SHANK2: variants seen among roughly 807,000 people sequenced by gnomAD.
SHANK2 encodes SH3 and multiple ankyrin repeat domains 2.
In SHANK2, 43 loss-of-function variants were observed where a neutral mutation model predicts 133.7. That is an observed-to-expected ratio of 0.32 (90% CI 0.25 to 0.41). SHANK2 has a LOEUF of 0.41. Ranked by LOEUF, SHANK2 falls within the 10% of genes least tolerant of loss-of-function variation. The pLI, the probability that SHANK2 is intolerant of heterozygous loss-of-function variation, is 1.00. For missense variants in SHANK2, 1,994 were observed against 2,235.8 expected (o/e 0.89, Z 2.18); for synonymous variants, 1,017 against 952.8 (o/e 1.07, Z -1.24).
chr11:70,862,235 G>A (rs1949270830), intron 11 of SHANK2, among the ~76,000 whole-genome samples: 1 of 152,224 alleles, frequency 6.6e-6, no homozygotes, highest in Admixed American at 6.5e-5. Context: ...GATTCCTGCT[G>A]CAAACCTGCT....
intron 2 of SHANK2, among the ~76,000 whole-genome samples, chr11:71,196,888 C>T (rs1953915364): frequency 6.6e-6 from 1 of 151,112 alleles, no homozygotes; most frequent in Non-Finnish European, 1.5e-5. Context: ...ATCCCAGCTA[C>T]TCAGGAGGCT....
intron 2 of SHANK2, among the ~76,000 whole-genome samples, chr11:71,167,948 C>T (rs1194439121): frequency 1.4e-5 from 2 of 145,630 alleles, no homozygotes; most frequent in Admixed American, 6.7e-5. Flanking sequence ...CCCTGCCGGA[C>T]GAGGTGGCTG....
intron 9 of SHANK2, among the ~76,000 whole-genome samples, chr11:71,060,910 C>T (rs1182546328): frequency 3.3e-5 from 5 of 152,230 alleles, no homozygotes; most frequent in African/African-American, 4.8e-5. Context: ...CCAGTTTTTA[C>T]GCTGAGATTT....
chr11:70,654,861 G>A (rs899750076), intron 17 of SHANK2, among the ~76,000 whole-genome samples: 5 of 150,942 alleles, frequency 3.3e-5, no homozygotes, highest in African/African-American at 1.2e-4. Flanking sequence ...TCCGCCTCCC[G>A]GGTTCAAGCG....
intron 11 of SHANK2, among the ~76,000 whole-genome samples, chr11:70,845,150 G>A (rs1312530052): frequency 7.5e-6 from 1 of 132,732 alleles, no homozygotes; most frequent in African/African-American, 2.8e-5. Context: ...AGTGAGCCAT[G>A]ATCGTGCCAC....
chr11:70,606,411 T>C (rs188951309), intron 17 of SHANK2, among the ~76,000 whole-genome samples: 279 of 140,980 alleles, frequency 2.0e-3, no homozygotes, highest in African/African-American at 6.9e-3. Flanking sequence ...ATTAGCAGGG[T>C]GTGGTGGCAC....
intron 14 of SHANK2, among the ~76,000 whole-genome samples, chr11:70,743,133 G>A (rs898169077): frequency 1.3e-5 from 2 of 152,248 alleles, no homozygotes; most frequent in Non-Finnish European, 2.9e-5. Context: ...GCACAGGGCG[G>A]GGGCTGGAGG....
chr11:71,115,923 C>T (rs1555100258), intron 4 of SHANK2, among the ~76,000 whole-genome samples: 1 of 152,178 alleles, frequency 6.6e-6, no homozygotes, highest in Non-Finnish European at 1.5e-5. Flanking sequence ...TTAGTTGGCC[C>T]TCAATGACAA....
chr11:71,251,502 C>T (rs1948178570), intron 1 of SHANK2, among the ~76,000 whole-genome samples: 1 of 151,398 alleles, frequency 6.6e-6, no homozygotes, highest in African/African-American at 2.4e-5. Context: ...CGCCCGGGGC[C>T]GGGGCCACCC....
chr11:71,090,704 G>T (rs1315061797), intron 8 of SHANK2, among the ~76,000 whole-genome samples: 1 of 151,370 alleles, frequency 6.6e-6, no homozygotes, highest in Non-Finnish European at 1.5e-5. Flanking sequence ...GTATATGCAC[G>T]CAGAGAATTT....
chr11:70,643,024 G>T (rs1393285192), intron 17 of SHANK2, among the ~76,000 whole-genome samples: 2 of 152,158 alleles, frequency 1.3e-5, no homozygotes, highest in African/African-American at 2.4e-5. Flanking sequence ...GACATCGTGT[G>T]CATGTATCAA....
Position 70,809,261 on chromosome 11 carries a change from TC to T in SHANK2, c.1494-2091del, listed in dbSNP as rs35613184. ...GAAGCGAGTGGTCTCTGACCATGGT[TC>T]CCCTCCCAAACTTTAGGTGCTGTGG... On this transcript the variant is annotated intron_variant, in intron 12 of 25. Coordinates refer to ENST00000601538, the MANE Select transcript of SHANK2 (RefSeq NM_012309.5). 1.3e-3 allele frequency among the ~76,000 whole-genome samples: 194 copies of T among 152,240 alleles called. 1 individual carries two copies. The highest frequency in any genetic ancestry group is 4.3e-3 in the African/African-American group (179 of 41,554).
intron 2 of SHANK2, among the ~76,000 whole-genome samples, chr11:71,215,194 C>G (rs1555119573): frequency 6.6e-6 from 1 of 152,226 alleles, no homozygotes; most frequent in Admixed American, 6.5e-5. Context: ...GAACCACAGG[C>G]CCCAGCTCTC....
intron 12 of SHANK2, among the ~76,000 whole-genome samples, chr11:70,813,451 G>A (rs1948319691): frequency 1.3e-5 from 2 of 152,146 alleles, no homozygotes; most frequent in South Asian, 4.1e-4. Flanking sequence ...CCCATTGAGG[G>A]CCCCTGTGGC....
intron 3 of SHANK2, among the ~76,000 whole-genome samples, chr11:71,133,517 G>A (rs1555104154): frequency 6.6e-6 from 1 of 151,692 alleles, no homozygotes; most frequent in Admixed American, 6.6e-5. Context: ...AGGCAGACAG[G>A]CAGGCAGGCT....
intron 14 of SHANK2, among the ~76,000 whole-genome samples, chr11:70,774,521 T>C (rs545393456): frequency 6.6e-6 from 1 of 152,258 alleles, no homozygotes; most frequent in African/African-American, 2.4e-5. Flanking sequence ...AGTTTCATCA[T>C]GTTAGCCAGG....
At chr11:70,852,383 C>T (rs1333350333) in intron 11 of SHANK2, among the ~76,000 whole-genome samples, 1 of 152,222 alleles carries the variant, frequency 6.6e-6, no homozygotes, top group African/African-American at 2.4e-5. Context: ...TGCAGGGGCT[C>T]CACGGGGCCT....
chr11:71,228,025 G>A (rs2919728), intron 1 of SHANK2, among the ~76,000 whole-genome samples: 111 of 149,300 alleles, frequency 7.4e-4, no homozygotes, highest in African/African-American at 2.4e-3. Flanking sequence ...GACTGACCAA[G>A]AAAAAAAAAC....
chr11:70,769,453 C>T (rs1287243023), intron 14 of SHANK2, among the ~76,000 whole-genome samples: 1 of 152,180 alleles, frequency 6.6e-6, no homozygotes, highest in Non-Finnish European at 1.5e-5. Context: ...TCTATCTGTG[C>T]CAGAGCTCAA....
Sources: allele counts gnomAD v4.1 joint callset (sites outside exome capture counted in the v4.1 genomes callset), GRCh38; gene constraint gnomAD v4.1.1; transcripts MANE v1.5; gene names NCBI Gene and HGNC (gene_info 2026-07-23, HGNC 2026-07-21).